MYO3B: variants seen among roughly 807,000 people sequenced by gnomAD.
MYO3B encodes myosin-IIIb.
A neutral mutation model predicts 174.6 loss-of-function variants in MYO3B; 156 were observed. The observed-to-expected ratio is 0.89, with a 90% CI of 0.78 to 1.02. MYO3B has a LOEUF of 1.02. Ranked by LOEUF, MYO3B falls within the 50% of genes least tolerant of loss-of-function variation. The pLI is 0.00. For missense variants in MYO3B, 1,632 were observed against 1,639.4 expected (o/e 1.00, Z 0.08); for synonymous variants, 563 against 569.1 (o/e 0.99, Z 0.15).
intron 7 of MYO3B, among the ~76,000 whole-genome samples, chr2:170,304,320 A>C (rs2093685375): frequency 6.6e-6 from 1 of 152,120 alleles, no homozygotes; most frequent in South Asian, 2.1e-4. Flanking sequence ...AAATTTTTCC[A>C]ATATGATGGA....
intron 14 of MYO3B, among the ~76,000 whole-genome samples, chr2:170,389,175 C>T (rs1558951505): frequency 1.3e-5 from 2 of 152,188 alleles, no homozygotes; most frequent in Non-Finnish European, 2.9e-5. Flanking sequence ...CCTCACAAGG[C>T]TGTTATGAGA....
chr2:170,478,573 GT>G (rs34745716), intron 25 of MYO3B, among the ~76,000 whole-genome samples: 1,987 of 126,420 alleles, frequency 0.016, 24 homozygotes, highest in African/African-American at 0.025. Flanking sequence ...GTTTTTTTGT[GT>G]TTTTTTTTTT....
At chr2:170,457,908 C>G (rs1463145786) in intron 23 of MYO3B, among the ~76,000 whole-genome samples, 1 of 152,138 alleles carries the variant, frequency 6.6e-6, no homozygotes, top group Non-Finnish European at 1.5e-5. Context: ...GTGCCCACCA[C>G]TACGCCTGGC....
intron 7 of MYO3B, among the ~76,000 whole-genome samples, chr2:170,300,306 A>G (rs1238361674): frequency 6.6e-6 from 1 of 152,208 alleles, no homozygotes; most frequent in African/African-American, 2.4e-5. Context: ...ATGATGAGCT[A>G]TGTTCTGGAT....
At chr2:170,202,650 A>T (rs2092674580) in intron 3 of MYO3B, among the ~76,000 whole-genome samples, 2 of 152,346 alleles carry the variant, frequency 1.3e-5, no homozygotes, top group South Asian at 2.1e-4. Context: ...GGAAACACAG[A>T]TGTGAAGTCT....
intron 7 of MYO3B, among the ~76,000 whole-genome samples, chr2:170,300,268 T>G (rs1198820565): frequency 2.0e-5 from 3 of 152,206 alleles, no homozygotes; most frequent in Non-Finnish European, 4.4e-5. Context: ...GAAAAGTGAC[T>G]CACCATGTTC....
intron 7 of MYO3B, among the ~76,000 whole-genome samples, chr2:170,272,652 G>A (rs1037219583): frequency 6.6e-6 from 1 of 152,150 alleles, no homozygotes; most frequent in East Asian, 1.9e-4. Flanking sequence ...TTAATCCCCC[G>A]TGTCAACAGT....
rs553841908 is a variant in MYO3B at position 170,234,150 on chromosome 2, G to A, written c.604-1841G>A. Among the ~76,000 whole-genome samples, 50 of 104,598 alleles carry A rather than the reference G, an allele frequency of 4.8e-4. 1 individual carries two copies. Among genetic ancestry groups the A allele is most frequent in the African/African-American group, 1.5e-3 (42 of 28,364 alleles). 68.6% of individuals were successfully genotyped at this position (104,598 alleles called of 152,430 possible). ...CCCGCCACTGCACTCCAGCCTGGGC[G>A]ACAGAGTGAGACTCCGTCTCAAAAA... On this transcript the variant is annotated intron_variant, in intron 6 of 34. Coordinates refer to ENST00000408978, the MANE Select transcript of MYO3B (RefSeq NM_138995.5).
intron 32 of MYO3B, among the ~76,000 whole-genome samples, chr2:170,578,233 G>A (rs1334773788): frequency 6.6e-6 from 1 of 152,370 alleles, no homozygotes; most frequent in East Asian, 1.9e-4. Context: ...GTCGCAGCCT[G>A]CGGCTCTTGG....
intron 7 of MYO3B, among the ~76,000 whole-genome samples, chr2:170,271,340 A>G (rs534717003): frequency 1.4e-4 from 21 of 152,334 alleles, no homozygotes; most frequent in African/African-American, 5.0e-4. Context: ...TCTTATAGGT[A>G]GCTCATACAT....
intron 25 of MYO3B, among the ~76,000 whole-genome samples, chr2:170,494,500 G>A (rs1686712574): frequency 6.6e-6 from 1 of 152,010 alleles, no homozygotes. Context: ...GGCTGAGGCG[G>A]GCAGATCACT....
At chr2:170,425,512 C>G (rs2094653536) in intron 22 of MYO3B, among the ~76,000 whole-genome samples, 1 of 152,206 alleles carries the variant, frequency 6.6e-6, no homozygotes. Flanking sequence ...GTGGTTCCAT[C>G]TTTGCATTTC....
intron 14 of MYO3B, among the ~76,000 whole-genome samples, chr2:170,389,777 A>T: frequency 6.6e-6 from 1 of 151,934 alleles, no homozygotes; most frequent in East Asian, 1.9e-4. Context: ...TAGGAGGCAG[A>T]CTCTAGGTTT....
intron 8 of MYO3B, chr2:170,343,380 A>G (rs917398321): frequency 7.9e-5 from 12 of 151,470 alleles, no homozygotes; most frequent in African/African-American, 2.7e-4. Flanking sequence ...GGTTATAGTG[A>G]GCTAATTGTG....
intron 1 of MYO3B, among the ~76,000 whole-genome samples, chr2:170,190,921 C>G (rs1411600898): frequency 6.6e-6 from 1 of 151,578 alleles, no homozygotes; most frequent in Non-Finnish European, 1.5e-5. Context: ...AGCAGGAGTC[C>G]CTCCCCATTG....
At chr2:170,641,391 T>C (rs1697936019) in intron 32 of MYO3B, 1 of 152,180 alleles carries the variant, frequency 6.6e-6, no homozygotes, top group African/African-American at 2.4e-5. Flanking sequence ...TGGATGGCGA[T>C]TGAAAAAAAC....
chr2:170,558,918 A>G (rs76283237), intron 32 of MYO3B, among the ~76,000 whole-genome samples: 1,928 of 152,324 alleles, frequency 0.013, 22 homozygotes, highest in Non-Finnish European at 0.016. Flanking sequence ...CCTACGTCAT[A>G]GGGTATAGAT....
chr2:170,277,336 T>C (rs1469120778), intron 7 of MYO3B, among the ~76,000 whole-genome samples: 3 of 152,236 alleles, frequency 2.0e-5, no homozygotes. Flanking sequence ...TCATGGTGTT[T>C]TTCACTGACC....
At chr2:170,605,442 T>C (rs1694753672) in intron 32 of MYO3B, among the ~76,000 whole-genome samples, 1 of 152,206 alleles carries the variant, frequency 6.6e-6, no homozygotes, top group African/African-American at 2.4e-5. Flanking sequence ...AGCTTCCTAC[T>C]TGATATCTCC....
Sources: gnomAD v4.1 joint callset for allele counts (sites outside exome capture counted in the v4.1 genomes callset) on GRCh38, gnomAD v4.1.1 for gene constraint, MANE v1.5 for transcripts, NCBI Gene and HGNC (gene_info 2026-07-23, HGNC 2026-07-21) for gene names.